KIFC2: variants seen among roughly 807,000 people sequenced by gnomAD.
KIFC2 encodes kinesin-like protein KIFC2.
Under a neutral mutation model 91.5 loss-of-function variants are expected in KIFC2, and 94 were observed. The observed-to-expected ratio is 1.03, with a 90% CI of 0.87 to 1.22. The LOEUF is 1.22. Ranked by LOEUF, KIFC2 falls within the 50% of genes most tolerant of loss-of-function variation. The probability of loss-of-function intolerance (pLI) is 0.00; values close to 1 mark genes in which losing one functional copy is unlikely to be tolerated. For missense variants in KIFC2, 1,357 were observed against 1,103.3 expected (o/e 1.23, Z -3.26); for synonymous variants, 729 against 503.9 (o/e 1.45, Z -5.98).
intron 17 of KIFC2, 37 bp from the exon 18 acceptor site, chr8:144,473,095 C>T: frequency 6.5e-7 from 1 of 1,537,614 alleles, no homozygotes; most frequent in South Asian, 1.2e-5. Flanking sequence ...CGGTCGCCGC[C>T]CACCCGGGCC....
In KIFC2 at chr8:144,468,655, G is replaced by A; in HGVS notation, c.1003+5G>A. The A allele has an allele frequency of 6.2e-7, 1 of 1,613,366 alleles. No individual in the cohort carries two copies. ...AGATGCATGGGCAGCTGGCAGGTAA[G>A]GGTTGGGGTTGGGGCTCATGGGAGG... On this transcript the variant is annotated splice_donor_5th_base_variant and intron_variant, in intron 9 of 17. Transcript: ENST00000645548.
Position 144,473,345 on chromosome 8 carries a change from G to C in KIFC2, c.2332G>C (p.Gly778Arg), listed in dbSNP as rs1271097910. The C allele has an allele frequency of 6.3e-7, 1 of 1,585,788 alleles. No individual in the cohort carries two copies. The highest frequency in any genetic ancestry group is 1.8e-5 in the Admixed American group (1 of 56,600). ...TCCTCCATGCCCCAGTCCCGACAAC[G>C]GCTCGGGCTCGGCTCTCGCGCCCGC... ...GSPPCPSPDN[G>R]SGSALAPAEG... Residue 778 changes from glycine (G) to arginine (R), a missense_variant, in exon 18 of 18, where the codon GGC (glycine) becomes CGC (arginine). Coordinates refer to ENST00000645548, the MANE Select transcript of KIFC2 (RefSeq NM_001369769.2).
intron 10 of KIFC2, 29 bp downstream of exon 10, chr8:144,468,863 C>T (rs376002972): frequency 2.4e-5 from 38 of 1,564,370 alleles, no homozygotes; most frequent in Non-Finnish European, 2.7e-5. Context: ...CTAGCCCCTC[C>T]TCTCTGGGCA....
chr8:144,471,606 T>G (rs1174109599), intron 12 of KIFC2, among the ~76,000 whole-genome samples: 4 of 152,212 alleles, frequency 2.6e-5, no homozygotes, highest in Non-Finnish European at 4.4e-5. Flanking sequence ...TTTTTTCACG[T>G]TGGCTTCCAC....
chr8:144,471,150 GAC>G lies in KIFC2; in HGVS notation c.1381-790_1381-789del, dbSNP rs1041228427. ...GGCTAATTTTTGTATTTTTAGTAGAGACAGGGGTTTCACCGCGTTTGCCAGGC... is the reference window on the plus strand; with the variant it reads ...GGCTAATTTTTGTATTTTTAGTAGAGAGGGGTTTCACCGCGTTTGCCAGGC... On this transcript the variant is annotated intron_variant, in intron 12 of 17. Transcript: ENST00000645548. Among the ~76,000 whole-genome samples, 63 of 117,292 alleles carry G rather than the reference GAC, an allele frequency of 5.4e-4. 2 individuals carry two copies. The South Asian group carries it at 0.012, about 23-fold the overall frequency. 76.9% of individuals were successfully genotyped at this position (117,292 alleles called of 152,430 possible).
In KIFC2 at chr8:144,468,722, C is replaced by T. The variant is rs748702748; in HGVS notation, c.1004-3C>T. ...TTCCCTTCCAACAGACTTCCCTCTC[C>T]AGGACTTCGGGCACGGATGGCCAGC... On this transcript the variant is annotated splice_region_variant and splice_polypyrimidine_tract_variant and intron_variant, in intron 9 of 17. Transcript: ENST00000645548. The T allele has an allele frequency of 2.5e-6, 4 of 1,613,988 alleles. No homozygotes were observed. The Admixed American group carries it at 5.0e-5, about 20-fold the overall frequency.
chr8:144,467,153 C>T lies in KIFC2; in HGVS notation c.330+43C>T, dbSNP rs758869461. 5.0e-6 allele frequency: 8 copies of T among 1,612,426 alleles called. No homozygotes were observed. In the Admixed American group the frequency reaches 6.7e-5, roughly 13 times the overall value. On this transcript the variant is annotated intron_variant, in intron 3 of 17. Coordinates refer to ENST00000645548, the MANE Select transcript of KIFC2 (RefSeq NM_001369769.2). The stretch of plus-strand genomic sequence containing the variant: ...GGCTGCTGGCAGGTACCACCTGCCC[C>T]GGCCTTCCTGGCTTTCACAGCCCTG...
At position 144,469,564 on chromosome 8, in the gene KIFC2, G is replaced by A; in HGVS notation, c.1297G>A (p.Gly433Ser). 1.2e-6 allele frequency: 2 copies of A among 1,613,636 alleles called. No homozygotes were observed. Among genetic ancestry groups the A allele is most frequent in the Non-Finnish European group, 1.7e-6 (2 of 1,179,962 alleles). ...TGTGAGTGTGGAGCCTGGCCCAGGG[G>A]GCACCGTCACCACCTGCTACCGGGG... ...SLVSVEPGPG[G>S]TVTTCYRGRH... Residue 433 changes from glycine (G) to serine (S), a missense_variant, in exon 12 of 18, where the codon GGC (glycine) becomes AGC (serine). Gly to Ser is a moderately conservative substitution (Grantham distance 56). Transcript: ENST00000645548.
In KIFC2 at chr8:144,467,583, G is replaced by A. The variant is rs761083566; in HGVS notation, c.568G>A (p.Glu190Lys). Residue 190 changes from glutamate to lysine, a missense_variant, in exon 5 of 18, where the codon GAG becomes AAG. Transcript: ENST00000645548. ...GGGACAGCAGCCCCTCCAGTTGGAG[G>A]AGGATCAGAGGGCGTGGCAGCGGCT... is the stretch of plus-strand genomic sequence containing the variant. ...TQGQQPLQLEEDQRAWQRLEQ... is the reference protein window; with the variant it reads ...TQGQQPLQLEKDQRAWQRLEQ... 1.2e-6 allele frequency: 2 copies of A among 1,603,120 alleles called. No homozygotes were observed. The highest frequency in any genetic ancestry group is 2.7e-5 in the African/African-American group (2 of 74,528).
chr8:144,473,382 C>T lies in KIFC2; in HGVS notation c.2369C>T (p.Pro790Leu), dbSNP rs201857433. The T allele has an allele frequency of 7.1e-5, 112 of 1,578,110 alleles. No homozygotes were observed. Among genetic ancestry groups the T allele is most frequent in the African/African-American group, 6.1e-4 (45 of 74,206 alleles). ...GCTCTCGCGCCCGCAGAGGGCCTGC[C>T]CCTCTAGTCCTGGGTCGCGGCCCTG... ...GSALAPAEGL[P>L]L The change falls in exon 18 of 18, where the codon CCC becomes CTC. Residue 790 changes from proline to leucine, a missense_variant. Transcript: ENST00000645548.
intron 12 of KIFC2, among the ~76,000 whole-genome samples, chr8:144,471,011 T>A (rs1258719334): frequency 6.6e-6 from 1 of 152,164 alleles, no homozygotes; most frequent in Non-Finnish European, 1.5e-5. Context: ...TTGCCCAGGC[T>A]GTAGTGCAGT....
intron 16 of KIFC2, 21 bp downstream of exon 16, chr8:144,472,727 G>C: frequency 6.3e-7 from 1 of 1,592,520 alleles, no homozygotes; most frequent in Non-Finnish European, 8.5e-7. Context: ...CGGTGCCTGA[G>C]CCCTGCGGAG....
intron 12 of KIFC2, among the ~76,000 whole-genome samples, chr8:144,471,165 G>A (rs1167195738): frequency 2.0e-5 from 3 of 151,976 alleles, no homozygotes; most frequent in African/African-American, 4.8e-5. Flanking sequence ...GGGTTTCACC[G>A]CGTTTGCCAG....
At chr8:144,468,920 G>A (rs1824808971) in intron 10 of KIFC2, 86 bp downstream of exon 10, 1 of 1,105,990 alleles carries the variant, frequency 9.0e-7, no homozygotes, top group Non-Finnish European at 1.3e-6. Flanking sequence ...GGAGTTGGCT[G>A]TACTAATAAG....
In KIFC2 at chr8:144,472,799, G is replaced by A. The variant is rs754981643; in HGVS notation, c.1866G>A (p.Thr622=). The change falls in exon 17 of 18, where the codon ACG becomes ACA. Residue 622 remains threonine (T), a synonymous_variant. Coordinates refer to ENST00000645548, the MANE Select transcript of KIFC2 (RefSeq NM_001369769.2). ...SPPRAPGTAG[T]LHLVDLAGSE... is the part of the protein sequence containing the mutation. ...CGGGCTCGCTCGCCCCTCTAGGCAC[G>A]CTGCACCTGGTGGACCTGGCGGGAT... The A allele has an allele frequency of 1.9e-6, 3 of 1,589,356 alleles. No homozygotes were observed. The African/African-American group carries it at 4.1e-5, about 21-fold the overall frequency.
Position 144,473,398 on chromosome 8 carries a change from C to G in KIFC2, c.*9C>G, listed in dbSNP as rs1249772994. On this transcript the variant is annotated 3_prime_UTR_variant, in exon 18 of 18. Coordinates refer to ENST00000645548, the MANE Select transcript of KIFC2 (RefSeq NM_001369769.2). ...AGGGCCTGCCCCTCTAGTCCTGGGTCGCGGCCCTGCCCATGGGGTCTCAGG... is the reference window on the plus strand; with the variant it reads ...AGGGCCTGCCCCTCTAGTCCTGGGTGGCGGCCCTGCCCATGGGGTCTCAGG... The G allele has an allele frequency of 1.3e-6, 2 of 1,573,204 alleles. No individual in the cohort carries two copies. The highest frequency in any genetic ancestry group is 1.4e-5 in the African/African-American group (1 of 74,040).
chr8:144,466,934 T>C, intron 2 of KIFC2, 25 bp from the exon 3 acceptor site: 1 of 1,581,622 alleles, frequency 6.3e-7, no homozygotes, highest in South Asian at 1.1e-5. Flanking sequence ...CCGAAATGTC[T>C]CCCGCCCTCC....
At position 144,473,313 on chromosome 8, in the gene KIFC2, C is replaced by T. The variant is rs369801874; in HGVS notation, c.2300C>T (p.Pro767Leu). Residue 767 changes from proline to leucine, a missense_variant, in exon 18 of 18, where the codon CCT (proline) becomes CTT (leucine). Physicochemically the swap from Pro to Leu is moderately conservative, Grantham distance 98 (BLOSUM62 -3). Transcript: ENST00000645548. ...ACCCCCTGCACCCCTACGCCGTCCC[C>T]TGGCAGTCCTCCATGCCCCAGTCCC... ...TGTPCTPTPS[P>L]GSPPCPSPDN... 5 of 1,603,084 alleles carry T rather than the reference C, an allele frequency of 3.1e-6. No homozygotes were observed. The African/African-American group carries it at 6.7e-5, about 21-fold the overall frequency.
rs1451572454 is a variant in KIFC2, at chr8:144,473,252, CCTT to C, written c.2244_2246del (p.Ser749del). 7 of 1,604,784 alleles carry C rather than the reference CCTT, an allele frequency of 4.4e-6. No individual in the cohort carries two copies. The highest frequency in any genetic ancestry group is 5.1e-6 in the Non-Finnish European group (6 of 1,176,744). ...CAGGGTCCCGCGCTCCTCCGGGACG[CCTT>C]CTTCCCTCAGCACCGACACTCCGCT... On this transcript the variant is annotated inframe_deletion, in exon 18 of 18. Coordinates refer to ENST00000645548, the MANE Select transcript of KIFC2 (RefSeq NM_001369769.2).
Sources: gnomAD v4.1 joint callset for allele counts (sites outside exome capture counted in the v4.1 genomes callset) on GRCh38, gnomAD v4.1.1 for gene constraint, MANE v1.5 for transcripts, NCBI Gene and HGNC (gene_info 2026-07-23, HGNC 2026-07-21) for gene names.